NLRP1: variants seen among roughly 807,000 people sequenced by gnomAD.
The protein encoded by NLRP1 is NLR family pyrin domain containing 1.
A neutral mutation model predicts 136.7 loss-of-function variants in NLRP1; 94 were observed. The ratio of observed to expected loss-of-function variants is 0.69; its 90% CI spans 0.58 to 0.82. The LOEUF (loss-of-function observed/expected upper bound fraction) is 0.82, where lower values mean the gene tolerates loss of function less well. Ranked by LOEUF, NLRP1 falls within the 40% of genes least tolerant of loss-of-function variation. The probability of loss-of-function intolerance (pLI) is 0.00; values close to 1 mark genes in which losing one functional copy is unlikely to be tolerated. For missense variants in NLRP1, 1,575 were observed against 1,802.7 expected (o/e 0.87, Z 2.29); for synonymous variants, 690 against 725.1 (o/e 0.95, Z 0.78).
At chr17:5,562,286 G>A (rs1597464022) in intron 3 of NLRP1, among the ~76,000 whole-genome samples, 1 of 152,384 alleles carries the variant, frequency 6.6e-6, no homozygotes, top group Non-Finnish European at 1.5e-5. Context: ...TTTGGACAAT[G>A]CCCAAGCAGG....
At position 5,583,895 on chromosome 17, in the gene NLRP1, C is replaced by T; in HGVS notation, c.63G>A (p.Leu21=). 1 of 1,603,706 alleles carries T rather than the reference C, an allele frequency of 6.2e-7. No homozygotes were observed. Among genetic ancestry groups the T allele is most frequent in the Non-Finnish European group, 8.5e-7 (1 of 1,174,296 alleles). ...TGGCGAGCAGAAGCTGGAACTCCTT[C>T]AGCTCCTCCTTCTTCAGGAACTCCA... The part of the protein sequence containing the change: ...CYLEFLKKEE[L]KEFQLLLANK... Residue 21 remains leucine, a synonymous_variant, in exon 1 of 17, where the codon CTG becomes CTA. Transcript: ENST00000572272. This position sits in a 1 kb window ranked among gnomAD's most constrained non-coding sequence, Gnocchi z 4.5.
intron 3 of NLRP1, among the ~76,000 whole-genome samples, chr17:5,579,524 G>T (rs79526941): frequency 1.3e-5 from 2 of 152,118 alleles, no homozygotes. Flanking sequence ...CTGTGGAAAG[G>T]AATTTCGCGA....
intron 14 of NLRP1, among the ~76,000 whole-genome samples, chr17:5,519,029 G>A (rs1908522115): frequency 6.6e-6 from 1 of 150,772 alleles, no homozygotes; most frequent in African/African-American, 2.4e-5. Flanking sequence ...TTGAGACGGA[G>A]TCTCGCTCTG....
intron 10 of NLRP1, 27 bp from the exon 11 acceptor site, chr17:5,533,011 C>G: frequency 6.3e-7 from 1 of 1,593,292 alleles, no homozygotes; most frequent in Non-Finnish European, 8.5e-7. Flanking sequence ...GCGGTCAGCT[C>G]CAGATTCTCC....
chr17:5,529,001 G>A (rs569754571), intron 12 of NLRP1, among the ~76,000 whole-genome samples: 4 of 152,258 alleles, frequency 2.6e-5, no homozygotes, highest in African/African-American at 7.2e-5. Flanking sequence ...TTTGACATGG[G>A]GACACATCAG....
intron 3 of NLRP1, among the ~76,000 whole-genome samples, chr17:5,579,027 C>T (rs537411753): frequency 9.5e-4 from 144 of 152,184 alleles, no homozygotes; most frequent in Middle Eastern, 3.4e-3. Context: ...AACCAAACAC[C>T]GCATGTTCTC....
Position 5,533,329 on chromosome 17 carries a change from C to T in NLRP1, c.3108G>A (p.Lys1036=), listed in dbSNP as rs1326747028. The part of the protein sequence containing the change: ...QANLKLLDVS[K]IFPIAEIAEE... ...CTGCAATCTCAGCAATTGGGAAGAT[C>T]TTGCTCACGTCCAGGAGTTTGAGAT... Residue 1036 remains lysine, a synonymous_variant, in exon 10 of 17, where the codon AAG becomes AAA. Transcript: ENST00000572272. 1.3e-6 allele frequency: 2 copies of T among 1,512,814 alleles called. No homozygotes were observed. Among genetic ancestry groups the T allele is most frequent in the Admixed American group, 2.0e-5 (1 of 50,946 alleles). The allele number at this position is 1,512,814 out of a possible 1,614,324, so 93.7% of individuals were successfully genotyped here.
chr17:5,502,174 C>T, intron 15 of NLRP1: 2 of 302,458 alleles, frequency 6.6e-6, no homozygotes, highest in South Asian at 7.0e-5. Context: ...ATAACGGCAG[C>T]AGCAAACTCT....
intron 5 of NLRP1, among the ~76,000 whole-genome samples, chr17:5,545,356 ACAGACACC>A (rs1912461347): frequency 1.4e-5 from 2 of 142,098 alleles, no homozygotes; most frequent in Non-Finnish European, 3.1e-5. Context: ...ACACACACAC[ACAGACACC>A]CACACAGACA....
At position 5,559,496 on chromosome 17, in the gene NLRP1, A is replaced by G. The variant is rs201699375; in HGVS notation, c.1200T>C (p.Ser400=). The G allele has an allele frequency of 1.4e-5, 23 of 1,614,118 alleles. No individual in the cohort carries two copies. The highest frequency in any genetic ancestry group is 1.8e-5 in the Non-Finnish European group (21 of 1,180,040). The change falls in exon 4 of 17, where the codon TCT becomes TCC. Residue 400 remains serine, a synonymous_variant. Coordinates refer to ENST00000572272, the MANE Select transcript of NLRP1 (RefSeq NM_033004.4). ...ATPAPIRQIL[S]RPERLLFILD... ...GGATGAAGAGCAGCCGCTCTGGCCT[A>G]GACAGGATCTGTCTAATGGGAGCCG...
chr17:5,566,433 G>A (rs571950859), intron 3 of NLRP1, among the ~76,000 whole-genome samples: 1 of 152,040 alleles, frequency 6.6e-6, no homozygotes, highest in South Asian at 2.1e-4. Flanking sequence ...TGGTCACTCA[G>A]GAGCATATTG....
chr17:5,562,993 G>C (rs1914931337), intron 3 of NLRP1, among the ~76,000 whole-genome samples: 1 of 152,204 alleles, frequency 6.6e-6, no homozygotes, highest in Non-Finnish European at 1.5e-5. Flanking sequence ...GGCAGCTCAG[G>C]AGTGCTGAGC....
intron 12 of NLRP1, among the ~76,000 whole-genome samples, chr17:5,526,100 G>A (rs1007544191): frequency 6.6e-6 from 1 of 151,302 alleles, no homozygotes; most frequent in Non-Finnish European, 1.5e-5. Context: ...TCAGCCTCCT[G>A]AGTAGTTGGA....
intron 15 of NLRP1, chr17:5,503,801 CTCATGAG>C (rs1422204607): frequency 6.6e-6 from 1 of 151,802 alleles, no homozygotes; most frequent in Admixed American, 6.6e-5. Context: ...CAGGAAAAAC[CTCATGAG>C]TCCAGGGCCT....
chr17:5,581,802 T>C, intron 3 of NLRP1, 57 bp downstream of exon 3: 1 of 1,389,574 alleles, frequency 7.2e-7, no homozygotes, highest in Non-Finnish European at 1.0e-6. Context: ...GGACTCTTTG[T>C]CCATACATTT....
At chr17:5,512,178 G>C, downstream of NLRP1, 1 of 1,106,900 alleles carries the variant, frequency 9.0e-7, no homozygotes, top group Non-Finnish European at 1.4e-6. Context: ...CACTTTCAGG[G>C]CAATCTTTCT....
chr17:5,511,338 A>G (rs1907612003), downstream of NLRP1, among the ~76,000 whole-genome samples: 1 of 151,770 alleles, frequency 6.6e-6, no homozygotes. Context: ...AGGCTGAGGC[A>G]GGAGAATCGT....
chr17:5,570,958 T>C (rs1156372192), intron 3 of NLRP1, among the ~76,000 whole-genome samples: 1 of 152,166 alleles, frequency 6.6e-6, no homozygotes, highest in Admixed American at 6.5e-5. Context: ...TGATTCAACA[T>C]ATGCAAATCA....
intron 12 of NLRP1, among the ~76,000 whole-genome samples, chr17:5,528,133 T>C (rs1005454458): frequency 8.5e-5 from 13 of 152,196 alleles, no homozygotes; most frequent in Admixed American, 8.5e-4. Context: ...CTGCTGGTCA[T>C]GGGCAGAGCT....
Sources: gnomAD v4.1 joint callset for allele counts (sites outside exome capture counted in the v4.1 genomes callset) on GRCh38, gnomAD v4.1.1 for gene constraint, Gnocchi (gnomAD v3.1) non-coding constraint, MANE v1.5 for transcripts, NCBI Gene and HGNC (gene_info 2026-07-23, HGNC 2026-07-21) for gene names.